SULF1: variants seen among roughly 807,000 people sequenced by gnomAD.
SULF1 encodes the protein extracellular sulfatase Sulf-1.
SULF1 carries 46 observed loss-of-function variants against 110.5 expected under a neutral mutation model. The observed-to-expected ratio is 0.42, with a 90% confidence interval of 0.33 to 0.53. The LOEUF (loss-of-function observed/expected upper bound fraction) is 0.53. Ranked by LOEUF, SULF1 falls within the 20% of genes least tolerant of loss-of-function variation. The pLI is 0.12. For synonymous variants in SULF1, 371 were observed against 387.1 expected (o/e 0.96, Z 0.49); for missense variants, 941 against 1,094.2 (o/e 0.86, Z 1.98).
intron 1 of SULF1, among the ~76,000 whole-genome samples, chr8:69,471,439 G>A (rs1471739273): frequency 6.6e-6 from 1 of 152,130 alleles, no homozygotes; most frequent in Non-Finnish European, 1.5e-5. Flanking sequence ...TTTATTTGGG[G>A]GAAACTTAAG....
chr8:69,542,284 AT>A (rs1813906375), intron 3 of SULF1, among the ~76,000 whole-genome samples: 1 of 152,182 alleles, frequency 6.6e-6, no homozygotes, highest in African/African-American at 2.4e-5. Context: ...AGCAGAAGAC[AT>A]TTCTTCACAA....
chr8:69,604,087 C>T (rs1156799848), intron 12 of SULF1, among the ~76,000 whole-genome samples: 1 of 152,020 alleles, frequency 6.6e-6, no homozygotes, highest in African/African-American at 2.4e-5. Context: ...ACACGTACCC[C>T]CAAAATATGT....
chr8:69,603,613 A>G lies in SULF1; in HGVS notation c.1204A>G (p.Lys402Glu), dbSNP rs1808005159. The G allele has an allele frequency of 1.9e-6, 3 of 1,613,656 alleles. No homozygotes were observed. In the African/African-American group the frequency reaches 4.0e-5, roughly 22 times the overall value. ...EKPGNRFRTN[K>E]KAKIWRDTFL... ...TTTTGCTTTCAGGTTTCGAACAAAC[A>G]AGAAGGCCAAAATTTGGCGTGATAC... is the stretch of plus-strand genomic sequence containing the variant. The change falls in exon 12 of 23, where the codon AAG becomes GAG. Residue 402 changes from lysine to glutamate, a missense_variant. Around this residue, in one of 3 missense-constraint regions of SULF1, gnomAD observed 822 missense variants for 934.3 expected, o/e 0.88. Transcript: ENST00000402687.
At chr8:69,520,112 TACAC>T (rs34036903) in intron 3 of SULF1, among the ~76,000 whole-genome samples, 13,698 of 136,952 alleles carry the variant, frequency 0.1, 950 homozygotes, top group East Asian at 0.4. Context: ...AAATTCCAGT[TACAC>T]ACACACACAC....
intron 14 of SULF1, among the ~76,000 whole-genome samples, chr8:69,622,265 C>T (rs977315976): frequency 2.0e-5 from 3 of 152,142 alleles, no homozygotes; most frequent in Non-Finnish European, 4.4e-5. Context: ...TAATAACTCA[C>T]ACAAAGATAT....
intron 6 of SULF1, among the ~76,000 whole-genome samples, chr8:69,576,795 C>T (rs1462506019): frequency 3.3e-5 from 5 of 152,280 alleles, no homozygotes; most frequent in East Asian, 1.9e-4. Context: ...CAACGTTGTT[C>T]GTAGAAGGGC....
rs1009976507 is a variant in SULF1 at position 69,660,310 on chromosome 8, G to A, written c.*1775G>A. The stretch of plus-strand genomic sequence containing the variant: ...GCTCCACAATTTCAACATACCACAA[G>A]AGAAGTTAATTTCTTAACATTGTGT... On this transcript the variant is annotated 3_prime_UTR_variant, in exon 23 of 23. Transcript: ENST00000402687. 5.3e-5 allele frequency: 8 copies of A among 152,098 alleles called. No homozygotes were observed. The highest frequency in any genetic ancestry group is 2.1e-4 in the South Asian group (1 of 4,830). The allele number at this position is 152,098 out of a possible 1,614,324, so 9.4% of individuals were successfully genotyped here.
At chr8:69,629,771 C>T (rs1388682634) in intron 19 of SULF1, 92 bp downstream of exon 19, 2 of 1,171,398 alleles carry the variant, frequency 1.7e-6, no homozygotes, top group African/African-American at 1.5e-5. Flanking sequence ...AATGAGGAAT[C>T]TACAAAGATT....
At chr8:69,545,382 T>C (rs1010803970) in intron 3 of SULF1, among the ~76,000 whole-genome samples, 1 of 152,198 alleles carries the variant, frequency 6.6e-6, no homozygotes, top group Non-Finnish European at 1.5e-5. Flanking sequence ...AGTTAGGAGA[T>C]ATAATTGGGT....
intron 21 of SULF1, among the ~76,000 whole-genome samples, chr8:69,640,460 T>C (rs1393623591): frequency 6.6e-6 from 1 of 152,214 alleles, no homozygotes; most frequent in Non-Finnish European, 1.5e-5. Flanking sequence ...CCCGTTTTTT[T>C]CCAATGTTTT....
intron 3 of SULF1, among the ~76,000 whole-genome samples, chr8:69,545,352 T>G (rs779359841): frequency 6.6e-6 from 1 of 152,198 alleles, no homozygotes; most frequent in Non-Finnish European, 1.5e-5. Flanking sequence ...GGTTGTAGAA[T>G]GAGAAAAAAC....
intron 3 of SULF1, among the ~76,000 whole-genome samples, chr8:69,558,500 C>G (rs558955603): frequency 1.3e-5 from 2 of 152,332 alleles, no homozygotes; most frequent in African/African-American, 4.8e-5. Flanking sequence ...CCCTTGCATA[C>G]TTCAGATGCA....
chr8:69,576,574 A>G (rs1470517903), intron 6 of SULF1, among the ~76,000 whole-genome samples: 1 of 152,142 alleles, frequency 6.6e-6, no homozygotes, highest in Non-Finnish European at 1.5e-5. Context: ...ACCTCCTATT[A>G]TTGTTTAACC....
At chr8:69,578,512 C>T (rs886250386) in intron 6 of SULF1, among the ~76,000 whole-genome samples, 2 of 106,544 alleles carry the variant, frequency 1.9e-5, no homozygotes, top group East Asian at 3.2e-4. Flanking sequence ...CCTCCCCCCA[C>T]CCCACAACTG....
intron 3 of SULF1, among the ~76,000 whole-genome samples, chr8:69,515,619 T>C (rs993284718): frequency 1.3e-5 from 2 of 152,378 alleles, no homozygotes; most frequent in African/African-American, 4.8e-5. Flanking sequence ...AAATGGGTTT[T>C]TCTTTTCTAC....
intron 19 of SULF1, among the ~76,000 whole-genome samples, chr8:69,631,547 C>T (rs998132847): frequency 5.9e-5 from 9 of 152,218 alleles, no homozygotes; most frequent in Admixed American, 2.0e-4. Flanking sequence ...TAGAGTGAGA[C>T]GCTGTCTCAA....
At chr8:69,490,858 C>T (rs1330710661), upstream of SULF1, among the ~76,000 whole-genome samples, 2 of 152,136 alleles carry the variant, frequency 1.3e-5, no homozygotes, top group African/African-American at 4.8e-5. Context: ...GTTCCTGAAA[C>T]CCAGGAGGGA....
At chr8:69,555,035 T>TTTTAAAG (rs1393350899) in intron 3 of SULF1, among the ~76,000 whole-genome samples, 1 of 151,018 alleles carries the variant, frequency 6.6e-6, no homozygotes, top group African/African-American at 2.4e-5. Flanking sequence ...CTGATCTGCA[T>TTTTAAAG]TTTAAAGTTT....
chr8:69,587,323 C>T (rs1806536078), intron 7 of SULF1, among the ~76,000 whole-genome samples: 1 of 152,118 alleles, frequency 6.6e-6, no homozygotes, highest in African/African-American at 2.4e-5. Flanking sequence ...ATCTAGCAAC[C>T]TCTCCCAACA....
Sources: allele counts gnomAD v4.1 joint callset (sites outside exome capture counted in the v4.1 genomes callset), GRCh38; gene constraint gnomAD v4.1.1; regional missense constraint gnomAD v4.1.1; transcripts MANE v1.5; gene names NCBI Gene and HGNC (gene_info 2026-07-23, HGNC 2026-07-21).